BMPR1B: variants seen among roughly 807,000 people sequenced by gnomAD.
BMPR1B encodes bone morphogenetic protein receptor type-1B.
Under a neutral mutation model 59.1 loss-of-function variants are expected in BMPR1B, and 12 were observed. That is an observed-to-expected ratio of 0.20 (90% confidence interval 0.13 to 0.33). The LOEUF is 0.33. Ranked by LOEUF, BMPR1B falls within the 10% of genes least tolerant of loss-of-function variation. BMPR1B has a pLI of 1.00. For synonymous variants in BMPR1B, 237 were observed against 207.3 expected (o/e 1.14, Z -1.23); for missense variants, 550 against 610.9 (o/e 0.90, Z 1.05).
chr4:94,787,923 G>A (rs1484016891), intron 1 of BMPR1B, among the ~76,000 whole-genome samples: 1 of 152,178 alleles, frequency 6.6e-6, no homozygotes, highest in Non-Finnish European at 1.5e-5. Context: ...TGGATAGGAG[G>A]TTTGAGTGGC....
chr4:94,887,310 T>TA (rs1727210039), intron 2 of BMPR1B, among the ~76,000 whole-genome samples: 3 of 103,098 alleles, frequency 2.9e-5, no homozygotes, highest in East Asian at 2.8e-4. Flanking sequence ...AAAAGGAAAA[T>TA]AAAAAATCAT....
At chr4:94,810,425 T>C (rs930836000) in intron 1 of BMPR1B, among the ~76,000 whole-genome samples, 1 of 152,150 alleles carries the variant, frequency 6.6e-6, no homozygotes, top group South Asian at 2.1e-4. Flanking sequence ...GGGGAGTATA[T>C]AATGATTTTC....
intron 2 of BMPR1B, among the ~76,000 whole-genome samples, chr4:94,967,763 A>C (rs923576755): frequency 6.6e-6 from 1 of 152,180 alleles, no homozygotes; most frequent in African/African-American, 2.4e-5. Flanking sequence ...AATTACAGGC[A>C]TGAGCCACTG....
chr4:94,953,287 T>A lies in BMPR1B; in HGVS notation c.-112-42753T>A, dbSNP rs144186326. ...TTAAGGTTAATATTGTTATGTGTGA[T>A]TTTGATCCTGTCATTATGAGGCTAA... On this transcript the variant is annotated intron_variant, in intron 2 of 12. Transcript: ENST00000515059. Among the ~76,000 whole-genome samples the A allele has an allele frequency of 2.0e-4, 30 of 152,246 alleles. No individual in the cohort carries two copies. The East Asian group carries it at 5.8e-3, about 29-fold the overall frequency.
At chr4:94,762,478 T>A (rs1470623155) in intron 1 of BMPR1B, among the ~76,000 whole-genome samples, 1 of 152,132 alleles carries the variant, frequency 6.6e-6, no homozygotes, top group African/African-American at 2.4e-5. Context: ...GAACTTCCTA[T>A]CAGAGGACGC....
chr4:94,982,812 G>T (rs1721174580), intron 2 of BMPR1B, among the ~76,000 whole-genome samples: 3 of 151,886 alleles, frequency 2.0e-5, no homozygotes, highest in Admixed American at 2.0e-4. Context: ...GTGAAACCCC[G>T]TCTCTACTAA....
At chr4:95,048,354 T>G (rs1232027117) in intron 3 of BMPR1B, among the ~76,000 whole-genome samples, 1 of 152,196 alleles carries the variant, frequency 6.6e-6, no homozygotes, top group Admixed American at 6.5e-5. Context: ...TAGTACTGTT[T>G]TAACTTGTTT....
chr4:95,046,661 AT>A (rs1204414001), intron 3 of BMPR1B, among the ~76,000 whole-genome samples: 3 of 152,188 alleles, frequency 2.0e-5, no homozygotes, highest in African/African-American at 7.2e-5. Flanking sequence ...TCCTACACAT[AT>A]TAGTAGTACT....
chr4:94,905,961 A>T (rs1728023722), intron 2 of BMPR1B, among the ~76,000 whole-genome samples: 1 of 151,546 alleles, frequency 6.6e-6, no homozygotes. Context: ...CCTTTAGGAA[A>T]ATATCAAGCT....
chr4:94,770,890 A>C (rs1186457690), intron 1 of BMPR1B, among the ~76,000 whole-genome samples: 2 of 12,094 alleles, frequency 1.7e-4, no homozygotes, highest in African/African-American at 5.2e-4. Flanking sequence ...TAGCCCTGCA[A>C]AAAAAAAAAA....
intron 2 of BMPR1B, among the ~76,000 whole-genome samples, chr4:94,950,944 T>C (rs927162606): frequency 4.6e-5 from 7 of 152,244 alleles, no homozygotes; most frequent in African/African-American, 1.7e-4. Context: ...GTTTGTGTCC[T>C]CTCTTATTTC....
At chr4:94,763,706 T>A (rs1721865735) in intron 1 of BMPR1B, among the ~76,000 whole-genome samples, 1 of 152,216 alleles carries the variant, frequency 6.6e-6, no homozygotes, top group South Asian at 2.1e-4. Context: ...ACTAGTTAAT[T>A]TGATGATTTA....
At chr4:94,979,252 C>T (rs763689896) in intron 2 of BMPR1B, among the ~76,000 whole-genome samples, 4 of 152,156 alleles carry the variant, frequency 2.6e-5, no homozygotes, top group Non-Finnish European at 4.4e-5. Flanking sequence ...AAAAAGAAAT[C>T]ATCCATACTT....
intron 3 of BMPR1B, among the ~76,000 whole-genome samples, chr4:95,042,186 A>G (rs1725706616): frequency 6.6e-6 from 1 of 152,166 alleles, no homozygotes; most frequent in Non-Finnish European, 1.5e-5. Context: ...CCCACCTAAT[A>G]CGGTAAGTGG....
At chr4:95,039,421 C>CTTTTTTT (rs35591365) in intron 3 of BMPR1B, among the ~76,000 whole-genome samples, 6 of 140,956 alleles carry the variant, frequency 4.3e-5, no homozygotes, top group African/African-American at 1.6e-4. Context: ...TTTACTTCTT[C>CTTTTTTT]TTTTTTTTTT....
At chr4:95,115,853 G>A (rs1204218724) in intron 6 of BMPR1B, 66 bp downstream of exon 6, 1 of 1,414,460 alleles carries the variant, frequency 7.1e-7, no homozygotes, top group East Asian at 2.3e-5. Context: ...CTAAAAACTA[G>A]AATCGTTCTC....
intron 2 of BMPR1B, among the ~76,000 whole-genome samples, chr4:94,909,584 T>C (rs1199817657): frequency 6.6e-6 from 1 of 152,120 alleles, no homozygotes; most frequent in Non-Finnish European, 1.5e-5. Context: ...TAGTGATAAT[T>C]GCTGTCATAG....
intron 2 of BMPR1B, among the ~76,000 whole-genome samples, chr4:94,933,540 A>G (rs563442913): frequency 1.4e-4 from 21 of 152,224 alleles, no homozygotes; most frequent in Admixed American, 4.6e-4. Context: ...GTCTGGAGAA[A>G]CTATAAGACA....
chr4:94,978,229 A>G (rs1731102550), intron 2 of BMPR1B, among the ~76,000 whole-genome samples: 1 of 152,220 alleles, frequency 6.6e-6, no homozygotes, highest in Non-Finnish European at 1.5e-5. Context: ...AAATAACCAT[A>G]AAACTTAGTA....
Sources: allele counts gnomAD v4.1 joint callset (sites outside exome capture counted in the v4.1 genomes callset), GRCh38; gene constraint gnomAD v4.1.1; transcripts MANE v1.5; gene names NCBI Gene and HGNC (gene_info 2026-07-23, HGNC 2026-07-21).